The following GCA variants were observed in gnomAD, a reference collection of about 807,000 sequenced individuals.
The protein encoded by GCA is grancalcin, also known as grancalcin, EF-hand calcium-binding protein.
GCA carries 30 observed loss-of-function variants against 32.6 expected under a neutral mutation model. The ratio of observed to expected loss-of-function variants is 0.92; its 90% confidence interval spans 0.69 to 1.25. GCA has a LOEUF of 1.25. GCA is among the 50% of genes most tolerant of loss of function. The pLI, the probability that GCA is intolerant of heterozygous loss-of-function variation, is 0.00. For missense variants in GCA, 291 were observed against 266.8 expected, an observed-to-expected ratio of 1.09 and a Z score of -0.63; for synonymous variants, 102 against 84.6, an observed-to-expected ratio of 1.21 and a Z score of -1.13.
At chr2:162,339,619 A>G (rs1472997635), upstream of GCA, among the ~76,000 whole-genome samples, 1 of 152,166 alleles carries the variant, frequency 6.6e-6, no homozygotes, top group African/African-American at 2.4e-5. Context: ...TGAGGTCATG[A>G]GAGTGGGGTC....
chr2:162,360,432 T>C lies in GCA; in HGVS notation c.*189T>C. On this transcript the variant is annotated 3_prime_UTR_variant, in exon 8 of 8. Transcript: ENST00000437150. ...AAGATTTCTTTTTTAATTTGAGGTA[T>C]TACTGCTTTTGGAAAAGTTATTTTA... 8.5e-7 allele frequency: 1 copy of C among 1,180,794 alleles called. No homozygotes were observed. Among genetic ancestry groups the C allele is most frequent in the East Asian group, 3.1e-5 (1 of 32,542 alleles). 73.1% of individuals were successfully genotyped at this position (1,180,794 alleles called of 1,614,324 possible). A position where few individuals can be genotyped will look rare whatever the true frequency, so the allele number is the denominator to read the frequency against.
rs1020167158 is a variant in GCA at position 162,361,247 on chromosome 2, C to G, written c.*1004C>G. 4.5e-5 allele frequency: 44 copies of G among 984,580 alleles called. No homozygotes were observed. In the African/African-American group the frequency reaches 7.5e-4, roughly 17 times the overall value. The allele number at this position is 984,580 out of a possible 1,614,324, so 61.0% of individuals were successfully genotyped here. ...TGTGGTGTTTTGAGCATAGTAGGCA[C>G]CACAGCAACTTTTCTGCGTGGTACT... On this transcript the variant is annotated 3_prime_UTR_variant, in exon 8 of 8. Coordinates refer to ENST00000437150, the MANE Select transcript of GCA (RefSeq NM_012198.5).
chr2:162,332,643 G>A (rs886786556), intron 1 of GCA, among the ~76,000 whole-genome samples: 47 of 152,124 alleles, frequency 3.1e-4, no homozygotes, highest in African/African-American at 9.7e-4. Flanking sequence ...ATGAGGGACT[G>A]AAGAAGGAAG....
intron 1 of GCA, among the ~76,000 whole-genome samples, chr2:162,329,363 A>G (rs1382424984): frequency 6.6e-6 from 1 of 152,166 alleles, no homozygotes; most frequent in African/African-American, 2.4e-5. Context: ...AATTATTGAA[A>G]TATTGAGATA....
chr2:162,360,297 A>C lies in GCA; in HGVS notation c.*54A>C. The C allele has an allele frequency of 6.4e-7, 1 of 1,570,354 alleles. No homozygotes were observed. Among genetic ancestry groups the C allele is most frequent in the Non-Finnish European group, 8.6e-7 (1 of 1,157,140 alleles). ...ACTGTGAATTCTTTTGTTTGGAAGAAGTGAACTGGACTACTTTAAAACTTT... is the reference window on the plus strand; with the variant it reads ...ACTGTGAATTCTTTTGTTTGGAAGACGTGAACTGGACTACTTTAAAACTTT... On this transcript the variant is annotated 3_prime_UTR_variant, in exon 8 of 8. Transcript: ENST00000437150.
intron 1 of GCA, chr2:162,344,526 G>A (rs1684583298): frequency 5.7e-6 from 3 of 530,412 alleles, no homozygotes; most frequent in Admixed American, 3.2e-5. Context: ...AGGGAGTAAT[G>A]TGTGTTTGGA....
chr2:162,360,982 G>T lies in GCA; in HGVS notation c.*739G>T. The stretch of plus-strand genomic sequence containing the variant: ...CATAGTTCACCTAAAATGGCATCCT[G>T]CTCTGAATCTAGACTTTTTAGAAAT... On this transcript the variant is annotated 3_prime_UTR_variant, in exon 8 of 8. Coordinates refer to ENST00000437150, the MANE Select transcript of GCA (RefSeq NM_012198.5). 9.1e-7 allele frequency: 1 copy of T among 1,100,748 alleles called. No individual in the cohort carries two copies. The highest frequency in any genetic ancestry group is 1.1e-6 in the Non-Finnish European group (1 of 898,642). The allele number at this position is 1,100,748 out of a possible 1,614,324, so 68.2% of individuals were successfully genotyped here.
downstream of GCA, chr2:162,373,482 G>A (rs375047834): frequency 6.0e-5 from 92 of 1,539,768 alleles, 1 homozygote; most frequent in African/African-American, 1.1e-3. Context: ...GTGAGGAAGG[G>A]CTGAAACTTC....
At chr2:162,337,154 T>C (rs1684295289) in intron 1 of GCA, among the ~76,000 whole-genome samples, 1 of 152,164 alleles carries the variant, frequency 6.6e-6, no homozygotes, top group African/African-American at 2.4e-5. Flanking sequence ...ATGAGCTCTC[T>C]TTTCCTCTAG....
At position 162,347,647 on chromosome 2, in the gene GCA, A is replaced by G. The variant is rs1282026320; in HGVS notation, c.97A>G (p.Ile33Val). The change falls in exon 2 of 8, where the codon ATA becomes GTA. Residue 33 changes from isoleucine (I) to valine (V), a missense_variant. Coordinates refer to ENST00000437150, the MANE Select transcript of GCA (RefSeq NM_012198.5). ...GQPVPETGPA[I>V]LLDGYSGPAY... ...GCCAGTGCCAGAAACAGGCCCAGCT[A>G]TACTCCTCGATGGATACTCTGGGCC... 3.7e-6 allele frequency: 6 copies of G among 1,610,624 alleles called. No homozygotes were observed. Among genetic ancestry groups the G allele is most frequent in the Admixed American group, 3.3e-5 (2 of 59,954 alleles).
At chr2:162,332,405 T>C (rs1016738453) in intron 1 of GCA, among the ~76,000 whole-genome samples, 16 of 148,768 alleles carry the variant, frequency 1.1e-4, no homozygotes, top group Non-Finnish European at 1.9e-4. Context: ...AATATATAAC[T>C]TCATGGCAGT....
downstream of GCA, among the ~76,000 whole-genome samples, chr2:162,375,006 C>G (rs1255138163): frequency 1.3e-5 from 2 of 152,142 alleles, no homozygotes; most frequent in Non-Finnish European, 2.9e-5. Flanking sequence ...CCCATTATTT[C>G]ACTGTTATGT....
chr2:162,368,105 A>G (rs1211123706), downstream of GCA, among the ~76,000 whole-genome samples: 2 of 151,958 alleles, frequency 1.3e-5, no homozygotes, highest in Non-Finnish European at 2.9e-5. Context: ...TTTCTGATTT[A>G]CTAGATCTGG....
intron 1 of GCA, among the ~76,000 whole-genome samples, chr2:162,335,422 A>G (rs1264112293): frequency 6.6e-6 from 1 of 151,790 alleles, no homozygotes; most frequent in Non-Finnish European, 1.5e-5. Context: ...CTCAAAAAAA[A>G]AAAAAAAAAA....
At chr2:162,345,567 G>A (rs1684658718) in intron 1 of GCA, among the ~76,000 whole-genome samples, 1 of 152,118 alleles carries the variant, frequency 6.6e-6, no homozygotes, top group South Asian at 2.1e-4. Context: ...TGAATTTGAT[G>A]GAGAGTTCCA....
At chr2:162,331,838 A>G (rs1333485549) in intron 1 of GCA, among the ~76,000 whole-genome samples, 1 of 152,152 alleles carries the variant, frequency 6.6e-6, no homozygotes, top group African/African-American at 2.4e-5. Context: ...TGTTTTTTAG[A>G]TATCTTCCTG....
chr2:162,359,327 CG>C, intron 6 of GCA, 166 bp from the exon 7 acceptor site: 1 of 598,432 alleles, frequency 1.7e-6, no homozygotes, highest in Admixed American at 3.3e-5. Context: ...ATGATAAAAA[CG>C]TTATGTTATT....
chr2:162,328,680 A>G (rs1329717073), intron 1 of GCA, among the ~76,000 whole-genome samples: 1 of 152,056 alleles, frequency 6.6e-6, no homozygotes, highest in African/African-American at 2.4e-5. Context: ...TTTTGCTTTT[A>G]GTTTTGCTAT....
upstream of GCA, among the ~76,000 whole-genome samples, chr2:162,340,774 C>T (rs1323222132): frequency 6.6e-6 from 1 of 152,152 alleles, no homozygotes; most frequent in Non-Finnish European, 1.5e-5. Flanking sequence ...TCAAATAGGT[C>T]AGGCAGGGTT....
Sources: gnomAD v4.1 joint callset for allele counts (sites outside exome capture counted in the v4.1 genomes callset) on GRCh38, gnomAD v4.1.1 for gene constraint, MANE v1.5 for transcripts, NCBI Gene and HGNC (gene_info 2026-07-23, HGNC 2026-07-21) for gene names.